The following RB1CC1 variants were observed in gnomAD, a reference collection of about 807,000 sequenced individuals.
RB1CC1 encodes RB1-inducible coiled-coil protein 1.
In RB1CC1, 46 loss-of-function variants were observed where a neutral mutation model predicts 177.5. That is an observed-to-expected ratio of 0.26 (90% CI 0.20 to 0.33). The LOEUF (loss-of-function observed/expected upper bound fraction) is 0.33. Ranked by LOEUF, RB1CC1 falls within the 10% of genes least tolerant of loss-of-function variation. The pLI is 1.00. For missense variants in RB1CC1, 1,703 were observed against 1,816.3 expected, an observed-to-expected ratio of 0.94 and a Z score of 1.13; for synonymous variants, 666 against 613.6, an observed-to-expected ratio of 1.09 and a Z score of -1.26.
At chr8:52,661,415 A>G (rs1398253289) in intron 9 of RB1CC1, 120 bp downstream of exon 9, 30 of 1,451,366 alleles carry the variant, frequency 2.1e-5, no homozygotes, top group Non-Finnish European at 2.6e-5. Context: ...GTCTAATTCC[A>G]AAGTTCATCA....
Position 52,645,774 on chromosome 8 carries a change from T to C in RB1CC1, c.3915A>G (p.Gln1305=), listed in dbSNP as rs756785297. The C allele has an allele frequency of 3.1e-6, 5 of 1,610,906 alleles. No individual in the cohort carries two copies. Among genetic ancestry groups the C allele is most frequent in the South Asian group, 2.2e-5 (2 of 90,000 alleles). Residue 1305 remains glutamine, a synonymous_variant, in exon 16 of 24, where the codon CAA becomes CAG. Transcript: ENST00000025008. ...TCTTTCTTTTTTCTTGCTCTTCAAG[T>C]TGTTCTAGAAACTTAGCTTTTTCTT... The part of the protein sequence containing the change: ...LQEEKAKFLE[Q]LEEQEKRKNE...
At chr8:52,635,368 G>A (rs1020382630) in intron 19 of RB1CC1, among the ~76,000 whole-genome samples, 2 of 152,060 alleles carry the variant, frequency 1.3e-5, no homozygotes, top group African/African-American at 4.8e-5. Flanking sequence ...TAGAAAACAT[G>A]CTATATTCAA....
At chr8:52,646,139 A>G (rs1850003755) in intron 15 of RB1CC1, among the ~76,000 whole-genome samples, 1 of 152,212 alleles carries the variant, frequency 6.6e-6, no homozygotes, top group Non-Finnish European at 1.5e-5. Context: ...ATAAAAATCA[A>G]GAGGCTGCTC....
chr8:52,685,802 T>C (rs1854226413), intron 2 of RB1CC1: 1 of 178,862 alleles, frequency 5.6e-6, no homozygotes, highest in South Asian at 1.9e-4. Context: ...AGAGTAAAGG[T>C]TGCTATGTGC....
chr8:52,713,689 G>A lies in RB1CC1; in HGVS notation c.-167+386C>T, dbSNP rs574426113. Among the ~76,000 whole-genome samples the A allele has an allele frequency of 1.0e-3, 152 of 152,304 alleles. 1 individual carries two copies. The highest frequency in any genetic ancestry group is 3.6e-3 in the African/African-American group (150 of 41,558). Reference sequence around the variant, plus strand: ...CACAAGTCAAGATGCGTCTTGGGAGGTTCGGACGTCCCTCGCCCTCGGCCA... The same window carrying A: ...CACAAGTCAAGATGCGTCTTGGGAGATTCGGACGTCCCTCGCCCTCGGCCA... On this transcript the variant is annotated intron_variant, in intron 1 of 23. Transcript: ENST00000025008.
chr8:52,642,465 T>A lies in RB1CC1; in HGVS notation c.4223A>T (p.Glu1408Val), dbSNP rs1240733040. 1 of 1,614,104 alleles carries A rather than the reference T, an allele frequency of 6.2e-7. No homozygotes were observed. The highest frequency in any genetic ancestry group is 1.1e-5 in the South Asian group (1 of 91,084). ...VPSPYVATAP[E>V]LYGACAPELP... is the part of the protein sequence containing the mutation. The stretch of plus-strand genomic sequence containing the variant: ...TTCAGGTGCACAAGCTCCATAAAGT[T>A]CTGGGGCTGTAGCTACATATGGTGA... Residue 1408 changes from glutamate (E) to valine (V), a missense_variant, in exon 18 of 24, where the codon GAA becomes GTA. By Grantham distance (121) the Glu-to-Val change is moderately radical (BLOSUM62 -2). This residue lies in a region of RB1CC1 where 1,169 missense variants were observed against 1,184.7 expected (regional missense o/e 0.99). Coordinates refer to ENST00000025008, the MANE Select transcript of RB1CC1 (RefSeq NM_014781.5).
chr8:52,639,569 T>A (rs1487502422), intron 18 of RB1CC1, among the ~76,000 whole-genome samples: 2 of 152,196 alleles, frequency 1.3e-5, no homozygotes, highest in Non-Finnish European at 2.9e-5. Context: ...TCTAAATGTT[T>A]CAATATGAAA....
chr8:52,637,428 C>T (rs1178853420), intron 18 of RB1CC1, among the ~76,000 whole-genome samples: 1 of 152,066 alleles, frequency 6.6e-6, no homozygotes, highest in Non-Finnish European at 1.5e-5. Flanking sequence ...TTCACAAACC[C>T]CTAGGCTCAA....
intron 7 of RB1CC1, 40 bp from the exon 8 acceptor site, chr8:52,668,231 A>T (rs193140399): frequency 4.4e-6 from 7 of 1,593,030 alleles, no homozygotes; most frequent in Non-Finnish European, 6.0e-6. Flanking sequence ...AATTTTCAGC[A>T]AATAGTTTAA....
intron 8 of RB1CC1, among the ~76,000 whole-genome samples, chr8:52,666,183 C>T (rs1852050889): frequency 6.6e-6 from 1 of 151,742 alleles, no homozygotes; most frequent in Non-Finnish European, 1.5e-5. Context: ...AAAAAAAAAT[C>T]AGGTACATGA....
intron 20 of RB1CC1, among the ~76,000 whole-genome samples, chr8:52,631,983 T>C (rs1041822522): frequency 2.6e-5 from 4 of 152,176 alleles, no homozygotes; most frequent in African/African-American, 9.6e-5. Context: ...TCAATGAAAC[T>C]TCTGAGATGT....
chr8:52,671,201 C>T (rs1343474100), intron 7 of RB1CC1, among the ~76,000 whole-genome samples: 3 of 152,170 alleles, frequency 2.0e-5, no homozygotes, highest in African/African-American at 7.2e-5. Context: ...TATTCCAATT[C>T]CAAATCCTAA....
intron 8 of RB1CC1, among the ~76,000 whole-genome samples, chr8:52,665,803 C>T (rs1447974426): frequency 2.0e-5 from 3 of 152,116 alleles, no homozygotes; most frequent in Non-Finnish European, 4.4e-5. Context: ...ATGCCATTTG[C>T]TCTGAAGAAT....
Position 52,661,186 on chromosome 8 carries a change from A to G in RB1CC1, c.1454T>C (p.Ile485Thr). 1 of 1,613,972 alleles carries G rather than the reference A, an allele frequency of 6.2e-7. No homozygotes were observed. Among genetic ancestry groups the G allele is most frequent in the Non-Finnish European group, 8.5e-7 (1 of 1,179,890 alleles). The part of the protein sequence containing the change: ...LVIELLERVK[I>T]VEALSTVPQM... ...AGGAACTGTACTAAGAGCTTCAACA[A>G]TTTTGACTCTTTCTAACAGCTCTAT... Residue 485 changes from isoleucine (I) to threonine (T), a missense_variant, in exon 10 of 24, where the codon ATT (isoleucine) becomes ACT (threonine). This residue lies in a region of RB1CC1 where 1,169 missense variants were observed against 1,184.7 expected (regional missense o/e 0.99). Coordinates refer to ENST00000025008, the MANE Select transcript of RB1CC1 (RefSeq NM_014781.5).
At chr8:52,685,300 G>A (rs565335278) in intron 3 of RB1CC1, 99 bp downstream of exon 3, 8 of 897,802 alleles carry the variant, frequency 8.9e-6, no homozygotes, top group African/African-American at 3.4e-5. Context: ...TACCGCACCC[G>A]GCCGCCATTA....
intron 4 of RB1CC1, 29 bp downstream of exon 4, chr8:52,683,858 C>T (rs751040471): frequency 1.9e-6 from 3 of 1,605,384 alleles, no homozygotes; most frequent in Middle Eastern, 1.7e-4. Flanking sequence ...ATGTTGCATT[C>T]TTGTGTGAAA....
intron 8 of RB1CC1, among the ~76,000 whole-genome samples, chr8:52,664,137 A>G (rs1004494083): frequency 2.0e-5 from 3 of 152,178 alleles, no homozygotes; most frequent in Middle Eastern, 3.2e-3. Flanking sequence ...AGGTGTGAAA[A>G]GTTGTCTCAC....
chr8:52,679,789 A>G (rs1298451524), intron 5 of RB1CC1, among the ~76,000 whole-genome samples: 1 of 152,200 alleles, frequency 6.6e-6, no homozygotes, highest in Non-Finnish European at 1.5e-5. Context: ...GCTTGGGTGG[A>G]CAGCAAGAAC....
intron 1 of RB1CC1, among the ~76,000 whole-genome samples, chr8:52,691,592 C>T (rs1312262317): frequency 6.6e-6 from 1 of 152,190 alleles, no homozygotes; most frequent in African/African-American, 2.4e-5. Context: ...CTCCAGTATA[C>T]AAATTTCTAA....
Sources: allele counts gnomAD v4.1 joint callset (sites outside exome capture counted in the v4.1 genomes callset), GRCh38; gene constraint gnomAD v4.1.1; regional missense constraint gnomAD v4.1.1; transcripts MANE v1.5; gene names NCBI Gene and HGNC (gene_info 2026-07-23, HGNC 2026-07-21).